Variants in ZFAT observed in about 807,000 individuals in gnomAD.
ZFAT encodes the protein zinc finger protein ZFAT.
A neutral mutation model predicts 117.7 loss-of-function variants in ZFAT; 64 were observed. The observed-to-expected ratio is 0.54, with a 90% CI of 0.44 to 0.67. The LOEUF is 0.67. Ranked by LOEUF, ZFAT falls within the 30% of genes least tolerant of loss-of-function variation. ZFAT has a pLI of 0.00. For missense variants in ZFAT, 1,433 were observed against 1,584.5 expected (o/e 0.90, Z 1.62); for synonymous variants, 679 against 615.0 (o/e 1.10, Z -1.54).
At chr8:134,810,146 C>A in the ZFAT span, among the ~76,000 whole-genome samples, 1 of 152,146 alleles carries the variant, frequency 6.6e-6, no homozygotes, top group Non-Finnish European at 1.5e-5. Context: ...TTCATACATA[C>A]AATAATACAT....
chr8:134,829,093 G>A, the ZFAT span, among the ~76,000 whole-genome samples: 2 of 152,336 alleles, frequency 1.3e-5, no homozygotes, highest in Non-Finnish European at 2.9e-5. Flanking sequence ...TACCTTGGAT[G>A]AGGTTCCTGA....
chr8:134,830,560 T>G, the ZFAT span, among the ~76,000 whole-genome samples: 412 of 152,354 alleles, frequency 2.7e-3, 2 homozygotes, highest in African/African-American at 9.4e-3. Flanking sequence ...CAAGTGAGTA[T>G]ATGCCGAGAC....
chr8:134,705,380 T>TTG (rs1554625186), intron 1 of ZFAT, among the ~76,000 whole-genome samples: 4 of 149,340 alleles, frequency 2.7e-5, no homozygotes, highest in Non-Finnish European at 5.9e-5. Context: ...TTTTTTTGTT[T>TTG]TTTTTTTTTT....
intron 11 of ZFAT, among the ~76,000 whole-genome samples, chr8:134,547,457 CT>C (rs564066431): frequency 4.0e-4 from 61 of 152,306 alleles, no homozygotes; most frequent in South Asian, 3.1e-3. Context: ...ATTTATTCCC[CT>C]TCCCTCTCTA....
At chr8:134,764,345 T>C in the ZFAT span, among the ~76,000 whole-genome samples, 1 of 152,238 alleles carries the variant, frequency 6.6e-6, no homozygotes, top group African/African-American at 2.4e-5. Context: ...AGTGGGATAA[T>C]ATACATAAGA....
chr8:134,526,709 A>C (rs1196285666), intron 12 of ZFAT, among the ~76,000 whole-genome samples: 1 of 152,228 alleles, frequency 6.6e-6, no homozygotes, highest in Non-Finnish European at 1.5e-5. Context: ...AGAATGGCAT[A>C]CAACACTGGG....
chr8:134,638,549 C>CAAAAAAATAA (rs1830373707), intron 2 of ZFAT, among the ~76,000 whole-genome samples: 1 of 101,076 alleles, frequency 9.9e-6, no homozygotes, highest in Non-Finnish European at 2.1e-5. Flanking sequence ...ACTAAAAATA[C>CAAAAAAATAA]AAAAAAAAAA....
chr8:134,832,063 C>G, the ZFAT span, among the ~76,000 whole-genome samples: 1 of 148,310 alleles, frequency 6.7e-6, no homozygotes, highest in Non-Finnish European at 1.5e-5. Flanking sequence ...CCCCGCGCCC[C>G]GAGCCCGAGG....
At chr8:134,535,487 C>T (rs1162792404) in intron 11 of ZFAT, among the ~76,000 whole-genome samples, 4 of 125,436 alleles carry the variant, frequency 3.2e-5, no homozygotes, top group South Asian at 3.5e-4. Context: ...CCCCCTCCCC[C>T]TCCCCCTCCC....
At chr8:134,760,088 G>T in the ZFAT span, among the ~76,000 whole-genome samples, 1 of 151,148 alleles carries the variant, frequency 6.6e-6, no homozygotes, top group African/African-American at 2.4e-5. Context: ...AGACCACGGT[G>T]AAACCCCGTC....
Position 134,654,051 on chromosome 8 carries a change from C to T in ZFAT, c.196+3510G>A, listed in dbSNP as rs181894037. Among the ~76,000 whole-genome samples, 55 of 152,242 alleles carry T rather than the reference C, an allele frequency of 3.6e-4. 1 individual carries two copies. Among genetic ancestry groups the T allele is most frequent in the Middle Eastern group, 3.4e-3 (1 of 294 alleles). ...GGGGCTCATGCCTGTAATCTCAGTA[C>T]TTTGGGAGGCTGAGGCAAGTGGATC... On this transcript the variant is annotated intron_variant, in intron 2 of 15. Transcript: ENST00000377838.
intron 1 of ZFAT, among the ~76,000 whole-genome samples, chr8:134,695,202 G>A (rs569268807): frequency 3.9e-5 from 6 of 152,304 alleles, no homozygotes; most frequent in South Asian, 2.1e-4. Flanking sequence ...CATCCTCCCC[G>A]GGAGGCACCC....
intron 11 of ZFAT, among the ~76,000 whole-genome samples, chr8:134,555,324 C>A (rs1261283735): frequency 2.0e-5 from 3 of 152,126 alleles, no homozygotes; most frequent in Admixed American, 6.5e-5. Flanking sequence ...ATTCCATACT[C>A]CCAGAAATAA....
At chr8:134,774,395 C>A in the ZFAT span, among the ~76,000 whole-genome samples, 1 of 152,168 alleles carries the variant, frequency 6.6e-6, no homozygotes, top group Admixed American at 6.5e-5. Context: ...ATTAATGCAG[C>A]AAACTTCGCT....
chr8:134,702,877 T>G (rs541157559), intron 1 of ZFAT, among the ~76,000 whole-genome samples: 2 of 152,280 alleles, frequency 1.3e-5, no homozygotes, highest in Non-Finnish European at 2.9e-5. Context: ...TTCACCATGT[T>G]AGCCAGGATG....
intron 1 of ZFAT, 142 bp from the exon 2 acceptor site, chr8:134,657,879 C>T: frequency 1.2e-6 from 1 of 841,150 alleles, no homozygotes; most frequent in Middle Eastern, 3.6e-4. Flanking sequence ...GCAGTCACCT[C>T]CATGGCAGGC....
At chr8:134,480,252 A>G (rs1163881957) in intron 15 of ZFAT, among the ~76,000 whole-genome samples, 1 of 152,208 alleles carries the variant, frequency 6.6e-6, no homozygotes, top group Non-Finnish European at 1.5e-5. Context: ...ATAAGCCACT[A>G]CACCCGGCCT....
intron 15 of ZFAT, among the ~76,000 whole-genome samples, chr8:134,480,776 G>A (rs1015881116): frequency 2.0e-5 from 3 of 152,164 alleles, no homozygotes; most frequent in African/African-American, 7.2e-5. Context: ...TTGGCATTGG[G>A]TGGCCTTCTA....
intron 13 of ZFAT, among the ~76,000 whole-genome samples, chr8:134,517,235 T>A (rs924295224): frequency 3.3e-5 from 5 of 152,210 alleles, no homozygotes; most frequent in Non-Finnish European, 5.9e-5. Context: ...ACTCACAATG[T>A]TTAAGACTTG....
Sources: gnomAD v4.1 joint callset for allele counts (sites outside exome capture counted in the v4.1 genomes callset) on GRCh38, gnomAD v4.1.1 for gene constraint, MANE v1.5 for transcripts, NCBI Gene and HGNC (gene_info 2026-07-23, HGNC 2026-07-21) for gene names.